ENO4: variants seen among roughly 807,000 people sequenced by gnomAD.
ENO4 encodes the protein enolase 4, also known as 2-phospho-D-glycerate hydro-lyase.
ENO4 carries 53 observed loss-of-function variants against 63.2 expected under a neutral mutation model. The observed-to-expected ratio is 0.84, with a 90% CI of 0.67 to 1.05. The LOEUF (loss-of-function observed/expected upper bound fraction) is 1.05, where lower values mean the gene tolerates loss of function less well. Ranked by LOEUF, ENO4 falls within the 50% of genes least tolerant of loss-of-function variation. The pLI is 0.00. For missense variants in ENO4, 719 were observed against 772.0 expected, an observed-to-expected ratio of 0.93 and a Z score of 0.81; for synonymous variants, 266 against 283.8, an observed-to-expected ratio of 0.94 and a Z score of 0.63.
At chr10:116,892,256 A>T (rs1847362760) in intron 10 of ENO4, among the ~76,000 whole-genome samples, 1 of 152,170 alleles carries the variant, frequency 6.6e-6, no homozygotes, top group Non-Finnish European at 1.5e-5. Flanking sequence ...GCTGGACTGC[A>T]CACATTTACA....
In ENO4 at chr10:116,849,730, T is replaced by G; in HGVS notation, c.164T>G (p.Leu55Arg). ...YLQPADVYGH[L>R]ANCFSKLAKP... ...CAGCCTGCCGACGTCTACGGGCACC[T>G]GGTAGGGACCTGGGACAAGCGCTCT... is the stretch of plus-strand genomic sequence containing the variant. Residue 55 changes from leucine (L) to arginine (R), a missense_variant and splice_region_variant, in exon 1 of 14, where the codon CTG (leucine) becomes CGG (arginine). Leu to Arg is a moderately radical substitution (Grantham distance 102). This residue lies in a region of ENO4 where 544 missense variants were observed against 583.6 expected (regional missense o/e 0.93). Coordinates refer to ENST00000341276, the MANE Select transcript of ENO4 (RefSeq NM_001242699.2). The G allele has an allele frequency of 6.6e-7, 1 of 1,520,902 alleles. No individual in the cohort carries two copies. Among genetic ancestry groups the G allele is most frequent in the Non-Finnish European group, 8.8e-7 (1 of 1,132,094 alleles). The allele number at this position is 1,520,902 out of a possible 1,614,324, so 94.2% of individuals were successfully genotyped here. A position where few individuals can be genotyped will look rare whatever the true frequency, so the allele number is the denominator to read the frequency against.
chr10:116,894,296 T>C (rs1847438313), intron 10 of ENO4, among the ~76,000 whole-genome samples: 1 of 152,212 alleles, frequency 6.6e-6, no homozygotes, highest in African/African-American at 2.4e-5. Context: ...ATGGTTTCAC[T>C]GGAAATGAAC....
At chr10:116,901,041 T>C (rs1847713653) in intron 10 of ENO4, 1 of 985,308 alleles carries the variant, frequency 1.0e-6, no homozygotes, top group Non-Finnish European at 1.2e-6. Context: ...AGAGGTTTAA[T>C]TAACCATGAT....
chr10:116,849,525 G>A lies in ENO4; in HGVS notation c.-42G>A. The A allele has an allele frequency of 6.9e-7, 1 of 1,459,024 alleles. No individual in the cohort carries two copies. The highest frequency in any genetic ancestry group is 9.1e-7 in the Non-Finnish European group (1 of 1,100,542). The allele number at this position is 1,459,024 out of a possible 1,614,324, so 90.4% of individuals were successfully genotyped here. On this transcript the variant is annotated 5_prime_UTR_variant, in exon 1 of 14. Coordinates refer to ENST00000341276, the MANE Select transcript of ENO4 (RefSeq NM_001242699.2). Reference sequence around the variant, plus strand: ...CCTAGCGACAGCAGGGACGCTCGTGGGACCCCAGGCTAAACCCCGCTGTAG... The same window carrying A: ...CCTAGCGACAGCAGGGACGCTCGTGAGACCCCAGGCTAAACCCCGCTGTAG...
chr10:116,871,658 T>G (rs997719239), intron 9 of ENO4, among the ~76,000 whole-genome samples: 1 of 152,204 alleles, frequency 6.6e-6, no homozygotes, highest in Non-Finnish European at 1.5e-5. Context: ...TTGTAACTTA[T>G]GATGTGATAG....
At chr10:116,873,487 A>G (rs557421020) in intron 9 of ENO4, among the ~76,000 whole-genome samples, 1 of 152,328 alleles carries the variant, frequency 6.6e-6, no homozygotes, top group South Asian at 2.1e-4. Flanking sequence ...CAGACTTCAA[A>G]TGAATGTTGC....
chr10:116,901,032 G>A, intron 10 of ENO4: 1 of 985,390 alleles, frequency 1.0e-6, no homozygotes, highest in Non-Finnish European at 1.2e-6. Context: ...CAGGAAATCA[G>A]AGGTTTAATT....
At chr10:116,906,549 G>C in intron 10 of ENO4, 1 of 1,385,214 alleles carries the variant, frequency 7.2e-7, no homozygotes, top group Non-Finnish European at 9.7e-7. Context: ...TTAAAAGATT[G>C]TTTCATGTAA....
At chr10:116,889,979 T>C (rs945018726) in intron 10 of ENO4, among the ~76,000 whole-genome samples, 1 of 152,084 alleles carries the variant, frequency 6.6e-6, no homozygotes, top group African/African-American at 2.4e-5. Context: ...TCTACCTTCA[T>C]TCCTATCGTA....
At chr10:116,904,712 A>C (rs976954867) in intron 10 of ENO4, among the ~76,000 whole-genome samples, 1 of 152,214 alleles carries the variant, frequency 6.6e-6, no homozygotes, top group African/African-American at 2.4e-5. Context: ...GAATTATTCA[A>C]ATTTCTATAT....
At chr10:116,866,576 C>T (rs1284706188) in intron 7 of ENO4, among the ~76,000 whole-genome samples, 2 of 152,140 alleles carry the variant, frequency 1.3e-5, no homozygotes, top group Admixed American at 1.3e-4. Flanking sequence ...ATAATCCCGG[C>T]ACTTTTGGGA....
At chr10:116,851,343 A>G (rs1415818440) in intron 1 of ENO4, among the ~76,000 whole-genome samples, 1 of 152,212 alleles carries the variant, frequency 6.6e-6, no homozygotes, top group Non-Finnish European at 1.5e-5. Flanking sequence ...GAGGCTGTAT[A>G]TCCAGGAAGG....
Position 116,879,358 on chromosome 10 carries a change from G to C in ENO4, c.1605G>C (p.Leu535Phe). 6.5e-7 allele frequency: 1 copy of C among 1,548,466 alleles called. No individual in the cohort carries two copies. Among genetic ancestry groups the C allele is most frequent in the Admixed American group, 2.0e-5 (1 of 50,750 alleles). ...CATCTGATGACAGCCTTGTCGATTT[G>C]GTAAGTGCTGAATGCTGGTCAACTG... ...GESSDDSLVD[L>F]AVGLGVRFIK... Residue 535 changes from leucine (L) to phenylalanine (F), a missense_variant and splice_region_variant, in exon 12 of 14, where the codon TTG (leucine) becomes TTC (phenylalanine). By Grantham distance (22) the Leu-to-Phe change is conservative. Transcript: ENST00000341276.
chr10:116,851,133 A>G (rs1315403991), intron 1 of ENO4, among the ~76,000 whole-genome samples: 2 of 152,230 alleles, frequency 1.3e-5, no homozygotes, highest in Non-Finnish European at 2.9e-5. Flanking sequence ...TCCCCAGTAT[A>G]ATGATCTTCT....
intron 1 of ENO4, among the ~76,000 whole-genome samples, chr10:116,851,148 C>T (rs539331040): frequency 1.0e-3 from 156 of 152,314 alleles, no homozygotes; most frequent in Non-Finnish European, 1.8e-3. Context: ...TCTTCTTATT[C>T]TATTAGGCAG....
downstream of ENO4, chr10:116,886,564 G>C: frequency 6.2e-7 from 1 of 1,614,064 alleles, no homozygotes; most frequent in Non-Finnish European, 8.5e-7. Context: ...GCTACTGGGA[G>C]GCCTATGAGA....
At chr10:116,896,694 C>A (rs1847532915) in intron 10 of ENO4, among the ~76,000 whole-genome samples, 2 of 152,104 alleles carry the variant, frequency 1.3e-5, no homozygotes. Context: ...CTTAGAGGAC[C>A]AGCAGAGCGG....
chr10:116,884,379 A>G (rs1185966311), downstream of ENO4: 1 of 408,574 alleles, frequency 2.4e-6, no homozygotes, highest in African/African-American at 2.1e-5. Context: ...TTAATTTAAA[A>G]TGCTTTGTAA....
chr10:116,870,087 A>G (rs1354209530), intron 8 of ENO4, among the ~76,000 whole-genome samples: 1 of 152,184 alleles, frequency 6.6e-6, no homozygotes, highest in African/African-American at 2.4e-5. Context: ...GCCAAATAAA[A>G]GTTTCTTCTC....
Sources: gnomAD v4.1 joint callset for allele counts (sites outside exome capture counted in the v4.1 genomes callset) on GRCh38, gnomAD v4.1.1 for gene constraint, gnomAD v4.1.1 regional missense constraint, MANE v1.5 for transcripts, NCBI Gene and HGNC (gene_info 2026-07-23, HGNC 2026-07-21) for gene names.